TLK2: variants seen among roughly 807,000 people sequenced by gnomAD.
The protein encoded by TLK2 is serine/threonine-protein kinase tousled-like 2.
A neutral mutation model predicts 117.3 loss-of-function variants in TLK2; 6 were observed. The ratio of observed to expected loss-of-function variants is 0.05; its 90% CI spans 0.03 to 0.10. The LOEUF is 0.10. Ranked by LOEUF, TLK2 falls within the 10% of genes least tolerant of loss-of-function variation. TLK2 has a pLI of 1.00. For synonymous variants in TLK2, 257 were observed against 316.7 expected, an observed-to-expected ratio of 0.81 and a Z score of 2.00; for missense variants, 299 against 901.2, an observed-to-expected ratio of 0.33 and a Z score of 8.56.
intron 6 of TLK2, among the ~76,000 whole-genome samples, chr17:62,534,920 T>G: frequency 7.8e-6 from 1 of 127,966 alleles, no homozygotes; most frequent in South Asian, 2.9e-4. Flanking sequence ...ATAGAGTCGC[T>G]CTCTGTTACC....
chr17:62,478,084 A>G (rs1447066422), upstream of TLK2: 1 of 151,776 alleles, frequency 6.6e-6, no homozygotes, highest in East Asian at 2.0e-4. Context: ...CCAGCCAGGT[A>G]CGTGGAGGGA....
At chr17:62,489,065 T>G (rs1011275325) in intron 2 of TLK2, among the ~76,000 whole-genome samples, 1 of 152,116 alleles carries the variant, frequency 6.6e-6, no homozygotes, top group Non-Finnish European at 1.5e-5. Flanking sequence ...TTTTTGTATT[T>G]TTTGTAGAAA....
chr17:62,592,848 A>T (rs1157065559), intron 16 of TLK2, among the ~76,000 whole-genome samples: 1 of 152,206 alleles, frequency 6.6e-6, no homozygotes, highest in Non-Finnish European at 1.5e-5. Context: ...GAACGGTCCC[A>T]TCTGGTGGTC....
At chr17:62,532,040 A>G (rs2076774571) in intron 6 of TLK2, among the ~76,000 whole-genome samples, 1 of 152,156 alleles carries the variant, frequency 6.6e-6, no homozygotes, top group Admixed American at 6.5e-5. Context: ...ATGGAAATTC[A>G]AGATCTGCAA....
chr17:62,531,690 G>A (rs535465224), intron 6 of TLK2, among the ~76,000 whole-genome samples: 2 of 152,182 alleles, frequency 1.3e-5, no homozygotes, highest in South Asian at 2.1e-4. Flanking sequence ...TGCTCCTTCC[G>A]AGTACCTAGA....
chr17:62,590,142 G>A (rs991592710), intron 16 of TLK2, among the ~76,000 whole-genome samples: 6 of 144,390 alleles, frequency 4.2e-5, no homozygotes, highest in African/African-American at 1.2e-4. Context: ...AAAACAAACA[G>A]CAGCACCGGC....
intron 19 of TLK2, among the ~76,000 whole-genome samples, chr17:62,602,771 C>T (rs962775743): frequency 1.3e-5 from 2 of 152,146 alleles, no homozygotes; most frequent in African/African-American, 2.4e-5. Flanking sequence ...CCTAGCCACC[C>T]GCACCCAAGC....
chr17:62,543,045 A>G (rs910726472), intron 7 of TLK2, among the ~76,000 whole-genome samples: 3 of 150,506 alleles, frequency 2.0e-5, no homozygotes, highest in Non-Finnish European at 2.9e-5. Context: ...ATTTCTAGAA[A>G]GACAGGCTAA....
At chr17:62,498,564 T>TA (rs2073917964) in intron 2 of TLK2, among the ~76,000 whole-genome samples, 1 of 151,938 alleles carries the variant, frequency 6.6e-6, no homozygotes, top group African/African-American at 2.4e-5. Context: ...TAATTTTTTG[T>TA]GTTTTTAGTA....
chr17:62,561,012 G>A (rs538801631), intron 10 of TLK2, among the ~76,000 whole-genome samples: 1 of 152,094 alleles, frequency 6.6e-6, no homozygotes, highest in Non-Finnish European at 1.5e-5. Context: ...GGTGTGTGAT[G>A]TTCCCCTTCC....
intron 2 of TLK2, among the ~76,000 whole-genome samples, chr17:62,501,434 A>G (rs1051860027): frequency 1.1e-4 from 17 of 152,036 alleles, no homozygotes; most frequent in African/African-American, 3.9e-4. Context: ...AGCTAAAGTA[A>G]ATGAGATAGA....
intron 7 of TLK2, chr17:62,549,947 C>T (rs1598517394): frequency 2.1e-5 from 3 of 145,224 alleles, no homozygotes; most frequent in Middle Eastern, 4.0e-3. Context: ...TGGGATTATA[C>T]GCCTGAGCCA....
rs772870551 is a variant in TLK2 at position 62,576,730 on chromosome 17, T to C, written c.1143T>C (p.His381=). The change falls in exon 13 of 22, where the codon CAT becomes CAC. Residue 381 remains histidine (H), a synonymous_variant. Transcript: ENST00000346027. ...TCAGGTTAACGTTAGCAGAATACCA[T>C]GAACAAGAAGAAATCTTCAAACTCA... ...ENETLTLAEY[H]EQEEIFKLRL... 1.9e-6 allele frequency: 3 copies of C among 1,613,374 alleles called. No homozygotes were observed. The highest frequency in any genetic ancestry group is 2.2e-5 in the East Asian group (1 of 44,834).
chr17:62,596,506 G>A, intron 16 of TLK2, 79 bp from the exon 17 acceptor site: 1 of 1,046,298 alleles, frequency 9.6e-7, no homozygotes, highest in Non-Finnish European at 1.5e-6. Flanking sequence ...AGAAATGATT[G>A]AATATTTAGG....
At chr17:62,524,401 G>A (rs1425882392) in intron 6 of TLK2, 70 bp downstream of exon 6, 5 of 1,493,856 alleles carry the variant, frequency 3.3e-6, no homozygotes, top group Non-Finnish European at 4.5e-6. Context: ...CTCAAGCAAA[G>A]TTTCTCTTTC....
intron 7 of TLK2, among the ~76,000 whole-genome samples, chr17:62,546,817 C>T (rs2077985304): frequency 6.6e-6 from 1 of 152,014 alleles, no homozygotes; most frequent in South Asian, 2.1e-4. Flanking sequence ...GTCTCGGCCT[C>T]CCAAAGTGCT....
At chr17:62,509,360 A>C (rs1459077650) in intron 2 of TLK2, among the ~76,000 whole-genome samples, 1 of 152,112 alleles carries the variant, frequency 6.6e-6, no homozygotes, top group East Asian at 1.9e-4. Flanking sequence ...AATTGTTGAG[A>C]TTATAGGTGT....
intron 7 of TLK2, among the ~76,000 whole-genome samples, chr17:62,543,090 C>A (rs1277497290): frequency 1.3e-5 from 2 of 152,092 alleles, no homozygotes; most frequent in Non-Finnish European, 2.9e-5. Context: ...ACTAATGAGG[C>A]TTTTAAATTT....
In TLK2 at chr17:62,565,207, G is replaced by A; in HGVS notation, c.968+70G>A. The A allele has an allele frequency of 2.0e-6, 3 of 1,532,084 alleles. No individual in the cohort carries two copies. In the South Asian group the frequency reaches 3.8e-5, roughly 20 times the overall value. 94.9% of individuals were successfully genotyped at this position (1,532,084 alleles called of 1,614,324 possible). A position where few individuals can be genotyped will look rare whatever the true frequency, so the allele number is the denominator to read the frequency against. Reference sequence around the variant, plus strand: ...TGCATTTTTTAGGTTTTCTGTAATTGTAGTCATTAATAATCCTACTATTGG... The same window carrying A: ...TGCATTTTTTAGGTTTTCTGTAATTATAGTCATTAATAATCCTACTATTGG... On this transcript the variant is annotated intron_variant, in intron 11 of 21. Coordinates refer to ENST00000346027, the MANE Select transcript of TLK2 (RefSeq NM_006852.6).
Sources: allele counts gnomAD v4.1 joint callset (sites outside exome capture counted in the v4.1 genomes callset), GRCh38; gene constraint gnomAD v4.1.1; transcripts MANE v1.5; gene names NCBI Gene and HGNC (gene_info 2026-07-23, HGNC 2026-07-21).